Variants in MLIP observed in about 807,000 individuals in gnomAD.
MLIP encodes muscular LMNA interacting protein.
MLIP carries 79 observed loss-of-function variants against 84.8 expected under a neutral mutation model. The observed-to-expected ratio is 0.93, with a 90% confidence interval of 0.78 to 1.12. MLIP has a LOEUF of 1.12. Ranked by LOEUF, MLIP falls within the 50% of genes most tolerant of loss-of-function variation. The pLI is 0.00. For synonymous variants in MLIP, 504 were observed against 463.0 expected (o/e 1.09, Z -1.14); for missense variants, 1,257 against 1,160.6 (o/e 1.08, Z -1.21).
At chr6:54,149,278 C>A in intron 5 of MLIP, 151 bp downstream of exon 5, 1 of 712,316 alleles carries the variant, frequency 1.4e-6, no homozygotes, top group Non-Finnish European at 2.3e-6. Context: ...GTGGTGAAAA[C>A]ATTTTGGTGA....
chr6:54,023,048 TC>T (rs1282646307), intron 1 of MLIP, among the ~76,000 whole-genome samples: 3 of 151,816 alleles, frequency 2.0e-5, no homozygotes, highest in Non-Finnish European at 4.4e-5. Flanking sequence ...GCACCTGTAG[TC>T]CCAGCTGCTC....
intron 10 of MLIP, among the ~76,000 whole-genome samples, chr6:54,201,012 C>A (rs181579780): frequency 3.3e-5 from 5 of 152,290 alleles, no homozygotes; most frequent in Admixed American, 3.3e-4. Context: ...AGAATGATTG[C>A]AGCAAAAGTG....
rs372605205 is a variant in MLIP, at chr6:54,019,044, C to T, written c.16C>T (p.Arg6Cys). Residue 6 changes from arginine to cysteine, a missense_variant, in exon 1 of 13, where the codon CGT becomes TGT. Transcript: ENST00000274897. ...CTCTTTCAATATGGAACTTGAAAAG[C>T]GTGAAAAAAGAAGCTTATTAAACAA... 5.7e-5 allele frequency: 92 copies of T among 1,610,742 alleles called. 1 individual carries two copies. Among genetic ancestry groups the T allele is most frequent in the African/African-American group, 3.6e-4 (27 of 74,754 alleles).
At chr6:54,045,580 T>G (rs1340069610) in intron 1 of MLIP, 1 of 152,194 alleles carries the variant, frequency 6.6e-6, no homozygotes, top group Non-Finnish European at 1.5e-5. Context: ...AATCTCATGT[T>G]GAATTTTAAT....
chr6:54,028,103 C>A (rs1462286280), intron 1 of MLIP, among the ~76,000 whole-genome samples: 1 of 152,008 alleles, frequency 6.6e-6, no homozygotes, highest in Non-Finnish European at 1.5e-5. Context: ...TGCTACATGA[C>A]CTTCATGAAA....
chr6:54,142,484 A>G (rs1772400849), intron 4 of MLIP, among the ~76,000 whole-genome samples: 1 of 152,134 alleles, frequency 6.6e-6, no homozygotes, highest in Non-Finnish European at 1.5e-5. Context: ...TATAGTGAGG[A>G]AGATGCTCTG....
intron 3 of MLIP, among the ~76,000 whole-genome samples, chr6:54,130,644 G>A (rs1473747226): frequency 6.6e-6 from 1 of 152,142 alleles, no homozygotes; most frequent in Non-Finnish European, 1.5e-5. Flanking sequence ...TTTAAAAAGT[G>A]TATGTGCATG....
At chr6:54,058,792 G>C (rs1340892725) in intron 1 of MLIP, 2 of 152,268 alleles carry the variant, frequency 1.3e-5, no homozygotes, top group East Asian at 3.9e-4. Flanking sequence ...TCAGATATCA[G>C]ATATTGGCTC....
intron 12 of MLIP, among the ~76,000 whole-genome samples, chr6:54,254,187 C>T (rs540702852): frequency 1.9e-4 from 29 of 148,760 alleles, no homozygotes; most frequent in African/African-American, 4.7e-4. Context: ...AGTGCAGTGG[C>T]GTGATCTTGG....
intron 1 of MLIP, among the ~76,000 whole-genome samples, chr6:54,027,498 C>G (rs1763887737): frequency 6.6e-6 from 1 of 151,982 alleles, no homozygotes; most frequent in South Asian, 2.1e-4. Context: ...GTCATTCCTA[C>G]CACTCCCTGC....
chr6:54,236,800 T>C (rs1329983525), intron 12 of MLIP, among the ~76,000 whole-genome samples: 2 of 152,150 alleles, frequency 1.3e-5, no homozygotes, highest in East Asian at 3.9e-4. Context: ...TAAGCTACTC[T>C]TATGCTTGAG....
At chr6:54,149,873 G>A (rs1773256867) in intron 5 of MLIP, among the ~76,000 whole-genome samples, 1 of 152,136 alleles carries the variant, frequency 6.6e-6, no homozygotes, top group Non-Finnish European at 1.5e-5. Context: ...TGAAAGCCAA[G>A]TAGAGGATTG....
chr6:54,050,056 C>A (rs777068951), intron 1 of MLIP, among the ~76,000 whole-genome samples: 1 of 151,960 alleles, frequency 6.6e-6, no homozygotes, highest in Non-Finnish European at 1.5e-5. Flanking sequence ...CACATGGGAG[C>A]TCTTGTTACA....
chr6:54,052,134 A>G (rs1765409438), intron 1 of MLIP, among the ~76,000 whole-genome samples: 1 of 152,178 alleles, frequency 6.6e-6, no homozygotes, highest in Non-Finnish European at 1.5e-5. Flanking sequence ...TTAAGCTAGA[A>G]AATTATGGGT....
chr6:54,024,694 A>G (rs1024985991), intron 1 of MLIP, among the ~76,000 whole-genome samples: 1 of 152,210 alleles, frequency 6.6e-6, no homozygotes, highest in African/African-American at 2.4e-5. Context: ...AGCCGCTCAG[A>G]AACATTCTAA....
intron 1 of MLIP, among the ~76,000 whole-genome samples, chr6:54,086,267 T>G (rs907735211): frequency 1.3e-5 from 2 of 152,174 alleles, no homozygotes; most frequent in Non-Finnish European, 2.9e-5. Context: ...GTTTAAATTC[T>G]AGGCTCATAT....
In MLIP at chr6:54,230,916, A is replaced by C; in HGVS notation, c.2921A>C (p.Lys974Thr). Reference sequence around the variant, plus strand: ...CTCCTCAGTCACAACGCATGCAACAAGGTGAGAACTCCTCCCCAAAATGAG... The same window carrying C: ...CTCCTCAGTCACAACGCATGCAACACGGTGAGAACTCCTCCCCAAAATGAG... ...HTLLSHNACN[K>T]LSHPMVAIPE... Residue 974 changes from lysine to threonine, a missense_variant and splice_region_variant, in exon 12 of 14, where the codon AAG (lysine) becomes ACG (threonine). Transcript: ENST00000502396. 6.2e-7 allele frequency: 1 copy of C among 1,613,880 alleles called. No individual in the cohort carries two copies. The highest frequency in any genetic ancestry group is 1.1e-5 in the South Asian group (1 of 91,066).
At chr6:54,078,039 G>T (rs1412529733) in intron 1 of MLIP, among the ~76,000 whole-genome samples, 1 of 152,086 alleles carries the variant, frequency 6.6e-6, no homozygotes, top group Non-Finnish European at 1.5e-5. Context: ...ACCTGGATAG[G>T]TTGTATGCCC....
intron 9 of MLIP, among the ~76,000 whole-genome samples, chr6:54,180,565 A>G (rs1776750656): frequency 6.6e-6 from 1 of 152,172 alleles, no homozygotes; most frequent in Admixed American, 6.5e-5. Flanking sequence ...TTTTCAAATT[A>G]CCTGCCTTTG....
Sources: gnomAD v4.1 joint callset for allele counts (sites outside exome capture counted in the v4.1 genomes callset) on GRCh38, gnomAD v4.1.1 for gene constraint, MANE v1.5 for transcripts, NCBI Gene and HGNC (gene_info 2026-07-23, HGNC 2026-07-21) for gene names.